ADGRB1: variants seen among roughly 807,000 people sequenced by gnomAD.
ADGRB1 encodes the protein adhesion G protein-coupled receptor B1.
A neutral mutation model predicts 175.7 loss-of-function variants in ADGRB1; 36 were observed. That is an observed-to-expected ratio of 0.20 (90% CI 0.16 to 0.27). The LOEUF (loss-of-function observed/expected upper bound fraction) is 0.27. Ranked by LOEUF, ADGRB1 falls within the 10% of genes least tolerant of loss-of-function variation. The probability of loss-of-function intolerance (pLI) is 1.00; values close to 1 mark genes in which losing one functional copy is unlikely to be tolerated. For synonymous variants in ADGRB1, 1,054 were observed against 979.4 expected (o/e 1.08, Z -1.42); for missense variants, 1,731 against 2,255.3 (o/e 0.77, Z 4.71).
chr8:142,488,922 G>T, intron 14 of ADGRB1, 113 bp from the exon 15 acceptor site: 2 of 1,324,376 alleles, frequency 1.5e-6, no homozygotes, highest in South Asian at 2.6e-5. Context: ...CCCTGGACGC[G>T]ACCTTGAAGA....
intron 24 of ADGRB1, among the ~76,000 whole-genome samples, chr8:142,528,464 G>T (rs1485024519): frequency 6.6e-6 from 1 of 152,164 alleles, no homozygotes; most frequent in African/African-American, 2.4e-5. Flanking sequence ...GGCTGGTTTT[G>T]CACTTTGGCC....
At chr8:142,472,949 G>A (rs1034835679) in intron 2 of ADGRB1, among the ~76,000 whole-genome samples, 7 of 152,208 alleles carry the variant, frequency 4.6e-5, no homozygotes, top group Non-Finnish European at 8.8e-5. Flanking sequence ...GTTTGTGGGG[G>A]CAGGGTGATC....
At chr8:142,515,482 A>C (rs563443627) in intron 18 of ADGRB1, among the ~76,000 whole-genome samples, 2 of 150,176 alleles carry the variant, frequency 1.3e-5, no homozygotes, top group East Asian at 4.0e-4. Flanking sequence ...TGCCAGGCCT[A>C]ACGAGGGCAG....
chr8:142,499,902 G>A (rs976915124), intron 17 of ADGRB1, among the ~76,000 whole-genome samples: 3 of 123,946 alleles, frequency 2.4e-5, no homozygotes, highest in Non-Finnish European at 5.1e-5. Context: ...CTCAGAATGG[G>A]GTCACAGCAG....
rs1485607268 is a variant in ADGRB1 at position 142,493,080 on chromosome 8, C to T, written c.2675+2265C>T. Among the ~76,000 whole-genome samples, 1 of 151,922 alleles carries T rather than the reference C, an allele frequency of 6.6e-6. No individual in the cohort carries two copies. The highest frequency in any genetic ancestry group is 2.4e-5 in the African/African-American group (1 of 41,386). On this transcript the variant is annotated intron_variant, in intron 17 of 30. Coordinates refer to ENST00000517894, the MANE Select transcript of ADGRB1 (RefSeq NM_001702.3). The surrounding 1 kb of genome is among the most constrained non-coding windows in gnomAD (Gnocchi z 5.0). ...GCTTCACCCGTACTTCTGATTGCTC[C>T]CTGGGGATCAGTCCCCAGGCAGTCT...
rs112198365 is a variant in ADGRB1 at position 142,509,444 on chromosome 8, G to A, written c.2676-1488G>A. On this transcript the variant is annotated intron_variant, in intron 17 of 30. Coordinates refer to ENST00000517894, the MANE Select transcript of ADGRB1 (RefSeq NM_001702.3). ...GCTTTTCGTGTGGGGTCAGGGCTGC[G>A]TGTGGGGGTGGCTCTCCAGGCTCCT... Among the ~76,000 whole-genome samples the A allele has an allele frequency of 8.8e-3, 1,338 of 152,318 alleles. 26 individuals are homozygous for A. The highest frequency in any genetic ancestry group is 0.031 in the African/African-American group (1,270 of 41,568).
intron 14 of ADGRB1, 98 bp from the exon 15 acceptor site, chr8:142,488,937 C>T (rs113007653): frequency 7.5e-5 from 104 of 1,395,688 alleles, no homozygotes; most frequent in African/African-American, 7.1e-4. Flanking sequence ...TGAAGATGGG[C>T]GGCAGATGCC....
chr8:142,496,999 G>A (rs879930151), intron 17 of ADGRB1, among the ~76,000 whole-genome samples: 62 of 152,356 alleles, frequency 4.1e-4, no homozygotes, highest in Admixed American at 1.8e-3. Context: ...GAAGGAGGAC[G>A]TGTGAGAGGC....
chr8:142,481,745 G>A (rs939257744), intron 11 of ADGRB1, 34 bp downstream of exon 11: 6 of 1,483,780 alleles, frequency 4.0e-6, no homozygotes, highest in Admixed American at 2.2e-5. Flanking sequence ...GGAAGAGGGT[G>A]TCGGGAAGGT....
intron 26 of ADGRB1, among the ~76,000 whole-genome samples, chr8:142,538,061 T>C (rs58307061): frequency 0.19 from 29,227 of 152,204 alleles, 3,537 homozygotes; most frequent in African/African-American, 0.33. Context: ...GCAGCTGTGC[T>C]GGTCTTGCTC....
Position 142,542,601 on chromosome 8 carries a change from G to T in ADGRB1, c.4367G>T (p.Ser1456Ile), listed in dbSNP as rs1473137031. 63 of 1,548,272 alleles carry T rather than the reference G, an allele frequency of 4.1e-5. No individual in the cohort carries two copies. In the Admixed American group the frequency reaches 1.2e-3, roughly 30 times the overall value. Residue 1456 changes from serine (S) to isoleucine (I), a missense_variant, in exon 28 of 31, where the codon AGC (serine) becomes ATC (isoleucine). Around this residue, in one of 8 missense-constraint regions of ADGRB1, gnomAD observed 394 missense variants for 410.2 expected, o/e 0.96. Coordinates refer to ENST00000517894, the MANE Select transcript of ADGRB1 (RefSeq NM_001702.3). This position sits in a 1 kb window ranked among gnomAD's most constrained non-coding sequence, Gnocchi z 6.3. ...AAHPGPSTGP[S>I]TKNENVATLS... ...CATCCGGGACCCAGCACGGGGCCCA[G>T]CACCAAGAACGAGAATGTCGCCACC...
chr8:142,479,314 G>GC lies in ADGRB1; in HGVS notation c.1562-5dup. On this transcript the variant is annotated splice_polypyrimidine_tract_variant and intron_variant, in intron 7 of 30. Transcript: ENST00000517894. The stretch of plus-strand genomic sequence containing the variant: ...TCGCCTGTGCCCTGTGTCTGGCCAC[G>GC]CCCCGCAGTGGATGGCAAGTGGCAG... 6.7e-7 allele frequency: 1 copy of GC among 1,489,232 alleles called. No homozygotes were observed. The allele number at this position is 1,489,232 out of a possible 1,614,324, so 92.3% of individuals were successfully genotyped here.
chr8:142,512,699 G>T (rs1843169874), intron 18 of ADGRB1, among the ~76,000 whole-genome samples: 1 of 152,354 alleles, frequency 6.6e-6, no homozygotes, highest in Non-Finnish European at 1.5e-5. Flanking sequence ...CCCAGGACTG[G>T]CTGTGAGGAG....
chr8:142,515,038 C>T (rs1843336091), intron 18 of ADGRB1, among the ~76,000 whole-genome samples: 1 of 151,972 alleles, frequency 6.6e-6, no homozygotes, highest in South Asian at 2.1e-4. Context: ...AGTGGGAGTT[C>T]ATGTGGTGGA....
chr8:142,453,273 G>A (rs1023826457), intron 1 of ADGRB1, among the ~76,000 whole-genome samples: 1 of 152,224 alleles, frequency 6.6e-6, no homozygotes, highest in South Asian at 2.1e-4. Context: ...GTGTGTGCGT[G>A]ACGGGGGCGG....
At position 142,500,420 on chromosome 8, in the gene ADGRB1, C is replaced by G. The variant is rs1222244152; in HGVS notation, c.2675+9605C>G. On this transcript the variant is annotated intron_variant, in intron 17 of 30. Transcript: ENST00000517894. The stretch of plus-strand genomic sequence containing the variant: ...CCCCGCCCCCTACACCGCTCCTCCA[C>G]CACCCCCCCATGCCCTCCTCCACCT... Among the ~76,000 whole-genome samples, 3 of 140,642 alleles carry G rather than the reference C, an allele frequency of 2.1e-5. No homozygotes were observed. The East Asian group carries it at 6.4e-4, about 30-fold the overall frequency. 92.3% of individuals were successfully genotyped at this position (140,642 alleles called of 152,430 possible). A position where few individuals can be genotyped will look rare whatever the true frequency, so the allele number is the denominator to read the frequency against.
rs945429974 is a variant in ADGRB1, at chr8:142,455,025, G to C, written c.-220+4921G>C. ...AAACATGCACACACCCACCCCTTCT[G>C]TCCCCTGTCCTGCTCATCGCCAGCC... On this transcript the variant is annotated intron_variant, in intron 1 of 30. Coordinates refer to ENST00000517894, the MANE Select transcript of ADGRB1 (RefSeq NM_001702.3). This position sits in a 1 kb window ranked among gnomAD's most constrained non-coding sequence, Gnocchi z 4.9. Among the ~76,000 whole-genome samples the C allele has an allele frequency of 6.6e-6, 1 of 150,928 alleles. No homozygotes were observed. Among genetic ancestry groups the C allele is most frequent in the East Asian group, 1.9e-4 (1 of 5,136 alleles).
intron 1 of ADGRB1, among the ~76,000 whole-genome samples, chr8:142,462,351 T>C (rs1840015432): frequency 6.6e-6 from 1 of 152,078 alleles, no homozygotes; most frequent in Admixed American, 6.5e-5. Context: ...CCCACCCAGC[T>C]CTTAATCTCT....
Position 142,484,298 on chromosome 8 carries a change from G to T in ADGRB1, c.2199+253G>T, listed in dbSNP as rs1307501314. On this transcript the variant is annotated intron_variant, in intron 12 of 30. Transcript: ENST00000517894. ...GTTCCAGAAAATACTGAGCACATGG[G>T]GATGCCAAGGCAGCTGGGACATAGA... 7.2e-5 allele frequency among the ~76,000 whole-genome samples: 11 copies of T among 152,346 alleles called. No individual in the cohort carries two copies. The East Asian group carries it at 1.9e-3, about 27-fold the overall frequency.
Sources: allele counts gnomAD v4.1 joint callset (sites outside exome capture counted in the v4.1 genomes callset), GRCh38; gene constraint gnomAD v4.1.1; regional missense constraint gnomAD v4.1.1; non-coding constraint Gnocchi (gnomAD v3.1); transcripts MANE v1.5; gene names NCBI Gene and HGNC (gene_info 2026-07-23, HGNC 2026-07-21).